Variants in SYNJ1 observed in about 807,000 individuals in gnomAD.
SYNJ1 encodes polyphosphatidylinositol phosphatase SYNJ1.
Under a neutral mutation model 168.2 loss-of-function variants are expected in SYNJ1, and 78 were observed. The observed-to-expected ratio is 0.46, with a 90% CI of 0.39 to 0.56. The LOEUF is 0.56. SYNJ1 is among the 20% of genes least tolerant of loss of function. The pLI, the probability that SYNJ1 is intolerant of heterozygous loss-of-function variation, is 0.00. For synonymous variants in SYNJ1, 539 were observed against 548.6 expected (o/e 0.98, Z 0.24); for missense variants, 1,303 against 1,597.6 (o/e 0.82, Z 3.14).
chr21:32,696,001 C>T (rs529705308), intron 4 of SYNJ1, among the ~76,000 whole-genome samples: 1 of 152,270 alleles, frequency 6.6e-6, no homozygotes, highest in South Asian at 2.1e-4. Context: ...CGCCCACCAC[C>T]ATGCTTGGCT....
At chr21:32,728,347 C>CT, upstream of SYNJ1, 1 of 301,654 alleles carries the variant, frequency 3.3e-6, no homozygotes, top group South Asian at 4.3e-5. Context: ...GCTCCCCAAG[C>CT]TGGGCGTCAG....
chr21:32,664,449 A>C (rs1223343787), intron 18 of SYNJ1, among the ~76,000 whole-genome samples: 1 of 152,114 alleles, frequency 6.6e-6, no homozygotes, highest in Non-Finnish European at 1.5e-5. Context: ...TCAACCCTTG[A>C]CCTAACCGCT....
In SYNJ1 at chr21:32,630,494, A is replaced by C. The variant is rs1438318985; in HGVS notation, c.*1311T>G. On this transcript the variant is annotated 3_prime_UTR_variant, in exon 33 of 33. Coordinates refer to ENST00000674351, the MANE Select transcript of SYNJ1 (RefSeq NM_203446.3). ...ATTGTAAAAATATGTAAATGTATACAGAAGTACATGTGTTTGTATGTATTA... is the reference window on the plus strand; with the variant it reads ...ATTGTAAAAATATGTAAATGTATACCGAAGTACATGTGTTTGTATGTATTA... 6.5e-6 allele frequency: 1 copy of C among 153,436 alleles called. No individual in the cohort carries two copies. The highest frequency in any genetic ancestry group is 2.4e-5 in the African/African-American group (1 of 41,466). The allele number at this position is 153,436 out of a possible 1,614,324, so 9.5% of individuals were successfully genotyped here.
intron 8 of SYNJ1, 94 bp from the exon 9 acceptor site, chr21:32,686,011 A>G (rs1182029053): frequency 1.5e-6 from 2 of 1,335,718 alleles, no homozygotes; most frequent in Non-Finnish European, 2.0e-6. Flanking sequence ...CTGGCAATAA[A>G]TCTTTTCCCT....
intron 23 of SYNJ1, among the ~76,000 whole-genome samples, chr21:32,647,530 C>A (rs1015567379): frequency 6.6e-6 from 1 of 152,214 alleles, no homozygotes; most frequent in Non-Finnish European, 1.5e-5. Flanking sequence ...GGCCTCCCAG[C>A]TTTTCAGTTC....
chr21:32,658,843 C>G (rs2040567452), intron 18 of SYNJ1, among the ~76,000 whole-genome samples: 1 of 152,236 alleles, frequency 6.6e-6, no homozygotes, highest in Non-Finnish European at 1.5e-5. Context: ...ACCTGCGAAG[C>G]AGTCAGGGAA....
At chr21:32,710,404 T>G (rs192076872) in intron 2 of SYNJ1, among the ~76,000 whole-genome samples, 198 of 152,188 alleles carry the variant, frequency 1.3e-3, no homozygotes, top group African/African-American at 4.6e-3. Flanking sequence ...AGGAGAGAGA[T>G]AACTCTGGCC....
intron 23 of SYNJ1, among the ~76,000 whole-genome samples, chr21:32,649,458 T>C (rs1386284203): frequency 6.6e-6 from 1 of 152,244 alleles, no homozygotes; most frequent in Non-Finnish European, 1.5e-5. Flanking sequence ...AAAAATTTTT[T>C]CTTTTGATAA....
At chr21:32,727,759 G>C in intron 1 of SYNJ1, 187 bp downstream of exon 1, 3 of 1,270,864 alleles carry the variant, frequency 2.4e-6, no homozygotes, top group Non-Finnish European at 3.1e-6. Context: ...AGCCTGACGC[G>C]GCACCCCGCA....
In SYNJ1 at chr21:32,646,249, T is replaced by G. The variant is rs1173910509; in HGVS notation, c.3247+144A>C. On this transcript the variant is annotated intron_variant, in intron 24 of 32. Transcript: ENST00000674351. Reference sequence around the variant, plus strand: ...AGCAAGTTTCCTTTCCATTGAGAGCTTATCATCTACAAGTTTTCCTATTCT... The same window carrying G: ...AGCAAGTTTCCTTTCCATTGAGAGCGTATCATCTACAAGTTTTCCTATTCT... 3.7e-5 allele frequency: 29 copies of G among 782,642 alleles called. No homozygotes were observed. The South Asian group carries it at 4.8e-4, about 13-fold the overall frequency. The allele number at this position is 782,642 out of a possible 1,614,324, so 48.5% of individuals were successfully genotyped here.
At chr21:32,722,457 C>T (rs1301346539) in intron 2 of SYNJ1, among the ~76,000 whole-genome samples, 3 of 151,450 alleles carry the variant, frequency 2.0e-5, no homozygotes, top group South Asian at 2.1e-4. Flanking sequence ...AGCTGAGGCA[C>T]GAGAATCACT....
At chr21:32,727,687 C>T in intron 1 of SYNJ1, 2 of 647,690 alleles carry the variant, frequency 3.1e-6, no homozygotes, top group South Asian at 2.1e-5. Context: ...GATACCCCGG[C>T]GCCCAGGCGG....
At chr21:32,641,092 GAA>G (rs2039814597) in intron 29 of SYNJ1, among the ~76,000 whole-genome samples, 1 of 152,140 alleles carries the variant, frequency 6.6e-6, no homozygotes, top group South Asian at 2.1e-4. Context: ...AGCTACAACA[GAA>G]AAGACAAAAA....
rs754123259 is a variant in SYNJ1 at position 32,727,698 on chromosome 21, A to G, written c.-23+248T>C. The G allele has an allele frequency of 9.4e-6, 7 of 740,948 alleles. No homozygotes were observed. The Admixed American group carries it at 2.5e-4, about 27-fold the overall frequency. 45.9% of individuals were successfully genotyped at this position (740,948 alleles called of 1,614,324 possible). The stretch of plus-strand genomic sequence containing the variant: ...AAGAGATACCCCGGCGCCCAGGCGG[A>G]TTCGGTTCGTTCCCGCGGGCGGGCT... On this transcript the variant is annotated intron_variant, in intron 1 of 32. Coordinates refer to ENST00000674351, the MANE Select transcript of SYNJ1 (RefSeq NM_203446.3).
At chr21:32,670,728 C>T in intron 14 of SYNJ1, 1 of 873,640 alleles carries the variant, frequency 1.1e-6, no homozygotes, top group South Asian at 5.3e-5. Flanking sequence ...TCAGAAAAGG[C>T]ACAAAGAATA....
chr21:32,641,946 G>A lies in SYNJ1; in HGVS notation c.3538C>T (p.Gln1180Ter). 1 of 1,613,932 alleles carries A rather than the reference G, an allele frequency of 6.2e-7. No individual in the cohort carries two copies. The highest frequency in any genetic ancestry group is 8.5e-7 in the Non-Finnish European group (1 of 1,179,928). Reference sequence around the variant, plus strand: ...GGTCCTGGGCCTGCAAGTCCTGCTTGAGGTGAAGGCTGACTGCGTCCTGGA... The same window carrying A: ...GGTCCTGGGCCTGCAAGTCCTGCTTAAGGTGAAGGCTGACTGCGTCCTGGA... ...DNIGRSQPSP[Q>*]AGLAGPGPAG... The change falls in exon 29 of 33, where the codon CAA (glutamine) becomes TAA (stop). Residue 1180 changes from glutamine to a stop codon, truncating the protein, a stop_gained. Coordinates refer to ENST00000674351, the MANE Select transcript of SYNJ1 (RefSeq NM_203446.3). LOFTEE classifies it high-confidence loss of function.
At chr21:32,632,851 T>C (rs2039399765) in intron 32 of SYNJ1, among the ~76,000 whole-genome samples, 1 of 152,018 alleles carries the variant, frequency 6.6e-6, no homozygotes, top group Non-Finnish European at 1.5e-5. Context: ...GAAACCTGTC[T>C]CTACTAAAAA....
At chr21:32,673,922 G>A (rs904252537) in intron 13 of SYNJ1, among the ~76,000 whole-genome samples, 2 of 152,150 alleles carry the variant, frequency 1.3e-5, no homozygotes, top group African/African-American at 4.8e-5. Flanking sequence ...TTTTCATTAA[G>A]AGTCTGGTAA....
chr21:32,699,581 C>G (rs556508636), intron 4 of SYNJ1, among the ~76,000 whole-genome samples: 1 of 152,264 alleles, frequency 6.6e-6, no homozygotes, highest in Admixed American at 6.5e-5. Context: ...CTTTCCAACA[C>G]GTATACCACC....
Sources: gnomAD v4.1 joint callset for allele counts (sites outside exome capture counted in the v4.1 genomes callset) on GRCh38, gnomAD v4.1.1 for gene constraint, MANE v1.5 for transcripts, NCBI Gene and HGNC (gene_info 2026-07-23, HGNC 2026-07-21) for gene names.